Variants in MCTP2 observed in about 807,000 individuals in gnomAD.
MCTP2 encodes the protein multiple C2 and transmembrane domain containing 2, also known as multiple C2 and transmembrane domain-containing protein 2.
Under a neutral mutation model 111.6 loss-of-function variants are expected in MCTP2, and 132 were observed. That is an observed-to-expected ratio of 1.18 (90% CI 1.03 to 1.37). The LOEUF is 1.37. Among genes scored for constraint, MCTP2 ranks in the 40% most tolerant of loss-of-function variants. MCTP2 has a pLI of 0.00. For missense variants in MCTP2, 1,183 were observed against 1,067.9 expected, an observed-to-expected ratio of 1.11 and a Z score of -1.50; for synonymous variants, 395 against 387.7, an observed-to-expected ratio of 1.02 and a Z score of -0.22.
At chr15:94,375,782 A>G (rs1164874560) in intron 12 of MCTP2, among the ~76,000 whole-genome samples, 3 of 152,206 alleles carry the variant, frequency 2.0e-5, no homozygotes, top group Admixed American at 2.0e-4. Context: ...CTAGGTTATT[A>G]TAAAGTATCC....
At chr15:94,248,643 C>G (rs1447980101) in intron 1 of MCTP2, among the ~76,000 whole-genome samples, 1 of 152,206 alleles carries the variant, frequency 6.6e-6, no homozygotes, top group Non-Finnish European at 1.5e-5. Flanking sequence ...CCGCTTGTGT[C>G]AAGATACTTA....
At chr15:94,250,767 T>C (rs2072358709) in intron 1 of MCTP2, among the ~76,000 whole-genome samples, 1 of 152,186 alleles carries the variant, frequency 6.6e-6, no homozygotes, top group South Asian at 2.1e-4. Flanking sequence ...TAGAGTTCAG[T>C]GTGATGGAGC....
At chr15:94,377,892 C>T (rs1478983313) in intron 12 of MCTP2, among the ~76,000 whole-genome samples, 2 of 152,010 alleles carry the variant, frequency 1.3e-5, no homozygotes, top group East Asian at 1.9e-4. Context: ...AATGAGGAAA[C>T]AGCAATGTTC....
chr15:94,277,725 A>G (rs1374001438), intron 1 of MCTP2, among the ~76,000 whole-genome samples: 1 of 152,058 alleles, frequency 6.6e-6, no homozygotes, highest in African/African-American at 2.4e-5. Context: ...TACAGAAACT[A>G]CTCTGTATAA....
intron 17 of MCTP2, 51 bp from the exon 18 acceptor site, chr15:94,440,125 C>T (rs1441690358): frequency 6.2e-7 from 1 of 1,600,202 alleles, no homozygotes; most frequent in Non-Finnish European, 8.5e-7. Context: ...TTTGATTGCT[C>T]CCCTAGTGTT....
intron 1 of MCTP2, among the ~76,000 whole-genome samples, chr15:94,255,057 A>C (rs371193181): frequency 6.6e-6 from 1 of 152,192 alleles, no homozygotes; most frequent in African/African-American, 2.4e-5. Context: ...GAAGTTTTCT[A>C]TTGGAAGATC....
At chr15:94,472,377 A>C (rs890772084) in intron 21 of MCTP2, among the ~76,000 whole-genome samples, 2 of 152,052 alleles carry the variant, frequency 1.3e-5, no homozygotes, top group African/African-American at 2.4e-5. Flanking sequence ...ACTCCGTCTC[A>C]AAATCAAAAC....
rs191605952 is a variant in MCTP2, at chr15:94,483,171, G to T, written c.*4137G>T. 3.3e-5 allele frequency: 5 copies of T among 152,272 alleles called. No homozygotes were observed. The East Asian group carries it at 9.6e-4, about 29-fold the overall frequency. The allele number at this position is 152,272 out of a possible 1,614,324, so 9.4% of individuals were successfully genotyped here. On this transcript the variant is annotated 3_prime_UTR_variant, in exon 23 of 23. Transcript: ENST00000357742. ...TGACCTCAGTGTAACCCTATTAGCT[G>T]CAAAAAATTCTTCATGGGCTTGAGA...
intron 21 of MCTP2, among the ~76,000 whole-genome samples, chr15:94,475,722 A>T (rs1032381276): frequency 1.7e-4 from 26 of 152,176 alleles, no homozygotes; most frequent in African/African-American, 5.3e-4. Flanking sequence ...TGGTGAAAAG[A>T]CTACAGCTTA....
rs553916432 is a variant in MCTP2 at position 94,408,192 on chromosome 15, G to T, written c.2085+6173G>T. Among the ~76,000 whole-genome samples, 11 of 152,266 alleles carry T rather than the reference G, an allele frequency of 7.2e-5. 1 individual carries two copies. The South Asian group carries it at 2.3e-3, about 32-fold the overall frequency. On this transcript the variant is annotated intron_variant, in intron 17 of 22. Transcript: ENST00000357742. The stretch of plus-strand genomic sequence containing the variant: ...TCCACCAGAAGTCACAACTGGATGT[G>T]CAGAGCAGACATCGCTGCCCATTTG...
chr15:94,313,518 T>C (rs928417817), intron 2 of MCTP2, among the ~76,000 whole-genome samples: 2 of 151,990 alleles, frequency 1.3e-5, no homozygotes, highest in Non-Finnish European at 2.9e-5. Flanking sequence ...CTGGCCAATA[T>C]GGTGAAACCC....
chr15:94,376,751 T>G (rs4984387), intron 12 of MCTP2, among the ~76,000 whole-genome samples: 20,654 of 152,244 alleles, frequency 0.14, 1,588 homozygotes, highest in Middle Eastern at 0.19. Context: ...GTTACCACTC[T>G]AAGATGTTTC....
At chr15:94,439,321 A>G (rs972138595) in intron 17 of MCTP2, among the ~76,000 whole-genome samples, 2 of 151,896 alleles carry the variant, frequency 1.3e-5, no homozygotes, top group Admixed American at 6.6e-5. Context: ...ATGTTATAGC[A>G]GTGGTTTTTT....
intron 15 of MCTP2, 110 bp downstream of exon 15, chr15:94,399,172 A>G (rs1355738386): frequency 6.2e-6 from 4 of 643,870 alleles, no homozygotes; most frequent in Admixed American, 5.6e-5. Context: ...TTGCAGCTAC[A>G]GAGAGGAAAG....
chr15:94,467,081 TA>T (rs976501190), intron 20 of MCTP2, among the ~76,000 whole-genome samples: 4 of 152,170 alleles, frequency 2.6e-5, no homozygotes, highest in Non-Finnish European at 4.4e-5. Flanking sequence ...TTTATATGTA[TA>T]AATGTATGGA....
chr15:94,413,101 CAA>C (rs1408629911), intron 17 of MCTP2, among the ~76,000 whole-genome samples: 1 of 152,054 alleles, frequency 6.6e-6, no homozygotes, highest in East Asian at 1.9e-4. Context: ...AGAAAAATAA[CAA>C]ATAGCTTGGC....
chr15:94,283,860 T>G (rs1003460653), intron 1 of MCTP2, among the ~76,000 whole-genome samples: 2 of 152,138 alleles, frequency 1.3e-5, no homozygotes, highest in African/African-American at 4.8e-5. Flanking sequence ...ACACAATACA[T>G]TAAAAAATTG....
At chr15:94,326,823 C>CT (rs1555453005) in intron 4 of MCTP2, among the ~76,000 whole-genome samples, 1 of 98,882 alleles carries the variant, frequency 1.0e-5, no homozygotes, top group African/African-American at 3.7e-5. Context: ...GCCCCACCCC[C>CT]CCCCAACCTC....
rs148792953 is a variant in MCTP2, at chr15:94,278,992, C to T, written c.-65-19209C>T. Among the ~76,000 whole-genome samples the T allele has an allele frequency of 1.2e-3, 182 of 152,230 alleles. 1 individual carries two copies. Among genetic ancestry groups the T allele is most frequent in the Non-Finnish European group, 1.6e-3 (111 of 68,010 alleles). ...TTGGTCTGTGTGTCTGTTTTTGTAC[C>T]AATACCATCCTGTTACAGTTGCTAT... On this transcript the variant is annotated intron_variant, in intron 1 of 22. Coordinates refer to ENST00000357742, the MANE Select transcript of MCTP2 (RefSeq NM_001385001.1).
Sources: gnomAD v4.1 joint callset for allele counts (sites outside exome capture counted in the v4.1 genomes callset) on GRCh38, gnomAD v4.1.1 for gene constraint, MANE v1.5 for transcripts, NCBI Gene and HGNC (gene_info 2026-07-23, HGNC 2026-07-21) for gene names.